Variants in THRB observed in about 807,000 individuals in gnomAD.
The protein encoded by THRB is nuclear receptor subfamily 1 group A member 2.
THRB carries 12 observed loss-of-function variants against 47.8 expected under a neutral mutation model. The ratio of observed to expected loss-of-function variants is 0.25; its 90% confidence interval spans 0.16 to 0.41. The LOEUF (loss-of-function observed/expected upper bound fraction) is 0.41. Among genes scored for constraint, THRB ranks in the 10% least tolerant of loss-of-function variants. THRB has a pLI of 1.00. For synonymous variants in THRB, 218 were observed against 212.2 expected (o/e 1.03, Z -0.24); for missense variants, 348 against 589.2 (o/e 0.59, Z 4.24).
intron 8 of THRB, among the ~76,000 whole-genome samples, chr3:24,140,910 C>T (rs1174642850): frequency 1.3e-5 from 2 of 152,176 alleles, no homozygotes; most frequent in Non-Finnish European, 2.9e-5. Flanking sequence ...GAACATTGTT[C>T]TCCTGTGAAG....
intron 9 of THRB, among the ~76,000 whole-genome samples, chr3:24,131,087 C>G (rs759206916): frequency 2.0e-5 from 3 of 152,152 alleles, no homozygotes; most frequent in African/African-American, 4.8e-5. Flanking sequence ...TTGAGCTGCA[C>G]TCTTATGACA....
At chr3:24,207,824 T>C (rs917570723) in intron 4 of THRB, among the ~76,000 whole-genome samples, 44 of 152,110 alleles carry the variant, frequency 2.9e-4, no homozygotes, top group Non-Finnish European at 5.9e-5. Context: ...CTATTCAACA[T>C]AGTGTTGGAA....
intron 1 of THRB, among the ~76,000 whole-genome samples, chr3:24,384,239 G>A (rs1041844356): frequency 6.6e-6 from 1 of 152,220 alleles, no homozygotes; most frequent in Admixed American, 6.5e-5. Flanking sequence ...TACCTCTGCA[G>A]AATGAGCCCT....
intron 5 of THRB, among the ~76,000 whole-genome samples, chr3:24,155,406 A>T (rs1350777899): frequency 6.6e-6 from 1 of 152,146 alleles, no homozygotes; most frequent in Non-Finnish European, 1.5e-5. Flanking sequence ...GTAACATATT[A>T]ACTCTGAACC....
At chr3:24,228,911 A>G in intron 4 of THRB, 27 bp downstream of exon 4, 1 of 1,602,018 alleles carries the variant, frequency 6.2e-7, no homozygotes, top group Non-Finnish European at 8.5e-7. Context: ...GGAGGCACAC[A>G]AAGAAAATGT....
chr3:24,286,390 G>A (rs968513887), intron 3 of THRB, among the ~76,000 whole-genome samples: 6 of 152,140 alleles, frequency 3.9e-5, no homozygotes, highest in African/African-American at 1.4e-4. Context: ...ATAGTTGGGA[G>A]GAAAGAAAGA....
chr3:24,273,653 C>G (rs551305266), intron 3 of THRB, among the ~76,000 whole-genome samples: 295 of 152,280 alleles, frequency 1.9e-3, no homozygotes, highest in African/African-American at 6.5e-3. Context: ...GTTTCATAGT[C>G]TTTATTGATC....
At chr3:24,203,687 G>A (rs1331784347) in intron 4 of THRB, among the ~76,000 whole-genome samples, 1 of 152,206 alleles carries the variant, frequency 6.6e-6, no homozygotes, top group African/African-American at 2.4e-5. Flanking sequence ...CCCACTGAGT[G>A]TGAGCCGAAG....
intron 4 of THRB, among the ~76,000 whole-genome samples, chr3:24,220,800 AAG>A: frequency 9.2e-6 from 1 of 108,702 alleles, no homozygotes; most frequent in Admixed American, 9.5e-5. Context: ...GGTTAAACAA[AAG>A]AAAAAAAAAA....
intron 1 of THRB, among the ~76,000 whole-genome samples, chr3:24,412,816 A>G (rs1156761024): frequency 6.6e-6 from 1 of 151,904 alleles, no homozygotes; most frequent in Non-Finnish European, 1.5e-5. Flanking sequence ...CAAGATTATT[A>G]AGATATTTTT....
At chr3:24,256,633 T>C (rs982478875) in intron 3 of THRB, among the ~76,000 whole-genome samples, 1 of 152,144 alleles carries the variant, frequency 6.6e-6, no homozygotes, top group Non-Finnish European at 1.5e-5. Flanking sequence ...GTCTCAAGTA[T>C]GTACAAGAAG....
At chr3:24,192,001 T>C (rs1375338628) in intron 4 of THRB, among the ~76,000 whole-genome samples, 1 of 152,218 alleles carries the variant, frequency 6.6e-6, no homozygotes, top group Non-Finnish European at 1.5e-5. Flanking sequence ...CAAAGGGCTG[T>C]GCTAAGCATT....
At chr3:24,482,538 C>CCTCTCTCTCTCTCT (rs10575358) in intron 1 of THRB, among the ~76,000 whole-genome samples, 85 of 130,970 alleles carry the variant, frequency 6.5e-4, no homozygotes, top group African/African-American at 2.4e-3. Context: ...TTTCTGTCTC[C>CCTCTCTCTCTCTCT]CTCTCTCTCT....
rs191476495 is a variant in THRB at position 24,337,973 on chromosome 3, A to G, written c.-260-602T>C. ...CAAACAAGATGAGAAAGGCAGCCAA[A>G]CAGACCACGACACCTGCCATGCCGC... On this transcript the variant is annotated intron_variant, in intron 1 of 10. Coordinates refer to ENST00000646209, the MANE Select transcript of THRB (RefSeq NM_001354712.2). Among the ~76,000 whole-genome samples the G allele has an allele frequency of 2.7e-3, 418 of 152,322 alleles. 4 individuals are homozygous for G. Among genetic ancestry groups the G allele is most frequent in the African/African-American group, 9.6e-3 (401 of 41,576 alleles).
chr3:24,219,002 C>T (rs1015223435), intron 4 of THRB, among the ~76,000 whole-genome samples: 1 of 152,218 alleles, frequency 6.6e-6, no homozygotes, highest in African/African-American at 2.4e-5. Context: ...CGTGGTGGCT[C>T]ATGCCTGTAA....
At chr3:24,192,635 G>A (rs143110605) in intron 4 of THRB, among the ~76,000 whole-genome samples, 5 of 152,140 alleles carry the variant, frequency 3.3e-5, no homozygotes, top group Admixed American at 3.3e-4. Context: ...TCCACTCCAA[G>A]AGGACATTGC....
intron 1 of THRB, among the ~76,000 whole-genome samples, chr3:24,365,520 C>T (rs1269060840): frequency 6.6e-6 from 1 of 152,148 alleles, no homozygotes; most frequent in Non-Finnish European, 1.5e-5. Flanking sequence ...AGATAAGATA[C>T]TTTGTAAAGA....
At chr3:24,277,519 T>C (rs1367676925) in intron 3 of THRB, among the ~76,000 whole-genome samples, 1 of 152,162 alleles carries the variant, frequency 6.6e-6, no homozygotes, top group East Asian at 1.9e-4. Context: ...AGTTCCCCGG[T>C]GATGCTGATG....
At chr3:24,331,210 C>T (rs542989779) in intron 2 of THRB, among the ~76,000 whole-genome samples, 1 of 151,658 alleles carries the variant, frequency 6.6e-6, no homozygotes, top group Admixed American at 6.6e-5. Context: ...GGAGCCTATA[C>T]GTTTATGAAA....
Sources: gnomAD v4.1 joint callset for allele counts (sites outside exome capture counted in the v4.1 genomes callset) on GRCh38, gnomAD v4.1.1 for gene constraint, MANE v1.5 for transcripts, NCBI Gene and HGNC (gene_info 2026-07-23, HGNC 2026-07-21) for gene names.